SEZ6L: variants seen among roughly 807,000 people sequenced by gnomAD.
SEZ6L encodes the protein seizure related 6 homolog like, also known as seizure 6-like protein.
A neutral mutation model predicts 106.2 loss-of-function variants in SEZ6L; 37 were observed. The observed-to-expected ratio is 0.35, with a 90% CI of 0.27 to 0.46. The LOEUF (loss-of-function observed/expected upper bound fraction) is 0.46. SEZ6L is among the 20% of genes least tolerant of loss of function. The probability of loss-of-function intolerance (pLI) is 1.00; values close to 1 mark genes in which losing one functional copy is unlikely to be tolerated. For missense variants in SEZ6L, 1,172 were observed against 1,332.8 expected, an observed-to-expected ratio of 0.88 and a Z score of 1.88; for synonymous variants, 541 against 570.4, an observed-to-expected ratio of 0.95 and a Z score of 0.73.
intron 1 of SEZ6L, among the ~76,000 whole-genome samples, chr22:26,194,362 T>A (rs1330398678): frequency 3.3e-5 from 5 of 152,210 alleles, no homozygotes; most frequent in African/African-American, 1.2e-4. Context: ...TTGTCTAGCA[T>A]GATTATCCTG....
At chr22:26,252,746 T>A (rs2079644339) in intron 1 of SEZ6L, among the ~76,000 whole-genome samples, 1 of 152,236 alleles carries the variant, frequency 6.6e-6, no homozygotes, top group Admixed American at 6.5e-5. Flanking sequence ...GCTAGGGACG[T>A]GATTTTGTTC....
In SEZ6L at chr22:26,292,473, A is replaced by G; in HGVS notation, c.162A>G (p.Arg54=). 1 of 1,613,832 alleles carries G rather than the reference A, an allele frequency of 6.2e-7. No homozygotes were observed. The highest frequency in any genetic ancestry group is 1.1e-5 in the South Asian group (1 of 91,002). The change falls in exon 2 of 17, where the codon AGA becomes AGG. Residue 54 remains arginine (R), a synonymous_variant. Coordinates refer to ENST00000248933, the MANE Select transcript of SEZ6L (RefSeq NM_021115.5). ...TCCTGCCCTCAGGAGCCCCGGAGAG[A>G]GGCAGTCCTGGCAAAGAGCACCCTG... The part of the protein sequence containing the change: ...PYLLPSGAPE[R]GSPGKEHPEE...
rs116191643 is a variant in SEZ6L at position 26,230,382 on chromosome 22, C to T, written c.94+60619C>T. On this transcript the variant is annotated intron_variant, in intron 1 of 16. Transcript: ENST00000248933. ...CCTGCCTTGACTGCACTGTCTCTCTCGTGCTTTGGGACCCTGGTCAGGTCG... is the reference window on the plus strand; with the variant it reads ...CCTGCCTTGACTGCACTGTCTCTCTTGTGCTTTGGGACCCTGGTCAGGTCG... Among the ~76,000 whole-genome samples, 1,385 of 152,138 alleles carry T rather than the reference C, an allele frequency of 9.1e-3. 22 individuals are homozygous for T. Among genetic ancestry groups the T allele is most frequent in the African/African-American group, 0.031 (1,299 of 41,504 alleles).
intron 1 of SEZ6L, 77 bp downstream of exon 1, chr22:26,169,840 C>T (rs1938452666): frequency 1.5e-6 from 1 of 654,914 alleles, no homozygotes. Context: ...CGGGGCTGAC[C>T]AGGGCGACTC....
At chr22:26,318,409 C>CAAAA in intron 9 of SEZ6L, among the ~76,000 whole-genome samples, 1 of 146,080 alleles carries the variant, frequency 6.8e-6, no homozygotes, top group South Asian at 2.2e-4. Context: ...TCCCCTCCTC[C>CAAAA]AAAAAAAAAA....
chr22:26,256,712 G>A (rs1399502035), intron 1 of SEZ6L, among the ~76,000 whole-genome samples: 2 of 152,190 alleles, frequency 1.3e-5, no homozygotes, highest in Admixed American at 1.3e-4. Flanking sequence ...CATCACCTGG[G>A]ACCTTGTTAA....
chr22:26,169,599 G>A lies in SEZ6L; in HGVS notation c.-71G>A. The stretch of plus-strand genomic sequence containing the variant: ...CGCTTCCCCTTTCTCGCTCACCGCC[G>A]CCCTCCTTCCCCAGCTCCCTCGCCG... On this transcript the variant is annotated 5_prime_UTR_variant, in exon 1 of 17. Coordinates refer to ENST00000248933, the MANE Select transcript of SEZ6L (RefSeq NM_021115.5). The A allele has an allele frequency of 3.8e-6, 2 of 529,230 alleles. No individual in the cohort carries two copies. Among genetic ancestry groups the A allele is most frequent in the Non-Finnish European group, 6.0e-6 (2 of 330,798 alleles). 32.8% of individuals were successfully genotyped at this position (529,230 alleles called of 1,614,324 possible).
intron 9 of SEZ6L, among the ~76,000 whole-genome samples, chr22:26,328,233 C>T (rs2082380089): frequency 6.6e-6 from 1 of 152,236 alleles, no homozygotes; most frequent in African/African-American, 2.4e-5. Flanking sequence ...GTGCCCTTTA[C>T]TGAGGTCTCG....
chr22:26,328,679 G>A (rs989922429), intron 9 of SEZ6L, among the ~76,000 whole-genome samples: 5 of 152,298 alleles, frequency 3.3e-5, no homozygotes, highest in South Asian at 4.1e-4. Context: ...TGAGCTGCCC[G>A]TGGGGCAGGC....
rs776481456 is a variant in SEZ6L at position 26,210,011 on chromosome 22, TG to T, written c.94+40251del. Among the ~76,000 whole-genome samples the T allele has an allele frequency of 2.0e-4, 28 of 139,606 alleles. 1 individual carries two copies. The highest frequency in any genetic ancestry group is 1.3e-3 in the Admixed American group (18 of 13,548). 91.6% of individuals were successfully genotyped at this position (139,606 alleles called of 152,430 possible). On this transcript the variant is annotated intron_variant, in intron 1 of 16. Transcript: ENST00000248933. Reference sequence around the variant, plus strand: ...GAAGGGAGGAAGGAAGGAAGAAGGATGGGTCAATGAAAAAAAATATGTATTA... The same window carrying T: ...GAAGGGAGGAAGGAAGGAAGAAGGATGGTCAATGAAAAAAAATATGTATTA...
chr22:26,233,685 C>A lies in SEZ6L; in HGVS notation c.95-58721C>A, dbSNP rs188378204. 1.6e-4 allele frequency among the ~76,000 whole-genome samples: 25 copies of A among 152,330 alleles called. No homozygotes were observed. The East Asian group carries it at 2.3e-3, about 14-fold the overall frequency. On this transcript the variant is annotated intron_variant, in intron 1 of 16. Coordinates refer to ENST00000248933, the MANE Select transcript of SEZ6L (RefSeq NM_021115.5). The stretch of plus-strand genomic sequence containing the variant: ...TTATTGAGCACGTACTACATGCAAG[C>A]CTCTGGTCTGAACATGGAACACAGA...
rs138563411 is a variant in SEZ6L at position 26,199,904 on chromosome 22, T to C, written c.94+30141T>C. Among the ~76,000 whole-genome samples, 206 of 152,342 alleles carry C rather than the reference T, an allele frequency of 1.4e-3. 2 individuals are homozygous for C. The highest frequency in any genetic ancestry group is 2.2e-3 in the Non-Finnish European group (148 of 68,026). ...CTCATACATCTCATATTCACCACCT[T>C]ACATCTGTGTTTATCAGGAGTAAGG... On this transcript the variant is annotated intron_variant, in intron 1 of 16. Coordinates refer to ENST00000248933, the MANE Select transcript of SEZ6L (RefSeq NM_021115.5).
At chr22:26,374,754 T>C (rs948931939) in intron 14 of SEZ6L, among the ~76,000 whole-genome samples, 5 of 152,184 alleles carry the variant, frequency 3.3e-5, no homozygotes, top group African/African-American at 1.2e-4. Flanking sequence ...AGGCCAAGTT[T>C]CTAGAAGGAA....
chr22:26,371,500 G>T (rs1034574894), intron 13 of SEZ6L, among the ~76,000 whole-genome samples: 1 of 152,072 alleles, frequency 6.6e-6, no homozygotes, highest in Non-Finnish European at 1.5e-5. Context: ...GGGCATGGTG[G>T]TGTGCACCTG....
At chr22:26,359,527 A>T (rs1214953110) in intron 12 of SEZ6L, among the ~76,000 whole-genome samples, 2 of 152,230 alleles carry the variant, frequency 1.3e-5, no homozygotes, top group Non-Finnish European at 2.9e-5. Flanking sequence ...ACCAGGCATG[A>T]TGGCTCATGC....
chr22:26,262,692 A>C (rs1019134951), intron 1 of SEZ6L, among the ~76,000 whole-genome samples: 2 of 152,192 alleles, frequency 1.3e-5, no homozygotes, highest in East Asian at 3.9e-4. Flanking sequence ...CCTGAAATCC[A>C]GGTAAGAAAG....
At chr22:26,261,171 C>T (rs1425580491) in intron 1 of SEZ6L, among the ~76,000 whole-genome samples, 2 of 152,226 alleles carry the variant, frequency 1.3e-5, no homozygotes, top group East Asian at 3.9e-4. Context: ...GATTTTCTCT[C>T]ACTCTGTGGG....
chr22:26,321,681 A>T (rs1397123872), intron 9 of SEZ6L, among the ~76,000 whole-genome samples: 2 of 152,324 alleles, frequency 1.3e-5, no homozygotes, highest in East Asian at 3.9e-4. Context: ...CAGTTTTAGT[A>T]AACCAATTTG....
intron 9 of SEZ6L, among the ~76,000 whole-genome samples, chr22:26,324,138 C>T (rs1354365394): frequency 1.3e-5 from 2 of 150,922 alleles, no homozygotes; most frequent in Admixed American, 6.6e-5. Flanking sequence ...GGGAAGTGCT[C>T]CACATGAGAG....
Sources: allele counts gnomAD v4.1 joint callset (sites outside exome capture counted in the v4.1 genomes callset), GRCh38; gene constraint gnomAD v4.1.1; transcripts MANE v1.5; gene names NCBI Gene and HGNC (gene_info 2026-07-23, HGNC 2026-07-21).